MAGI1: variants seen among roughly 807,000 people sequenced by gnomAD.
The protein encoded by MAGI1 is membrane-associated guanylate kinase, WW and PDZ domain-containing protein 1.
A neutral mutation model predicts 139.9 loss-of-function variants in MAGI1; 58 were observed. The observed-to-expected ratio is 0.41, with a 90% CI of 0.34 to 0.52. The LOEUF (loss-of-function observed/expected upper bound fraction) is 0.52. MAGI1 is among the 20% of genes least tolerant of loss of function. The probability of loss-of-function intolerance (pLI) is 0.12; values close to 1 mark genes in which losing one functional copy is unlikely to be tolerated. For missense variants in MAGI1, 1,874 were observed against 1,901.6 expected (o/e 0.99, Z 0.27); for synonymous variants, 812 against 737.9 (o/e 1.10, Z -1.63).
Position 65,356,800 on chromosome 3 carries a change from G to C in MAGI1, c.3967C>G (p.Pro1323Ala), listed in dbSNP as rs757523874. 6.2e-7 allele frequency: 1 copy of C among 1,611,072 alleles called. No homozygotes were observed. The highest frequency in any genetic ancestry group is 1.3e-5 in the African/African-American group (1 of 74,910). The change falls in exon 23 of 23, where the codon CCA (proline) becomes GCA (alanine). Residue 1323 changes from proline (P) to alanine (A), a missense_variant. Around this residue, in one of 5 missense-constraint regions of MAGI1, gnomAD observed 653 missense variants for 644.5 expected, o/e 1.01. Coordinates refer to ENST00000402939, the MANE Select transcript of MAGI1 (RefSeq NM_001033057.2). Reference protein sequence around the residue: ...AAANGPKRRSPEKRREGTRSA... With the variant: ...AAANGPKRRSAEKRREGTRSA... ...CGGGTGCCCTCCCTCCGCTTCTCTG[G>C]GGACCGCCTCTTGGGGCCGTTGGCG... is the stretch of plus-strand genomic sequence containing the variant.
chr3:65,381,914 G>C lies in MAGI1; in HGVS notation c.2664C>G (p.His888Gln). ...QLMQQAAKQG[H>Q]VNLTVRRKVV... is the part of the protein sequence containing the mutation. ...CTTTACGCCGCACCGTGAGATTGAC[G>C]TGGCCTTGCTTGGCAGCTTGTTGCA... The change falls in exon 16 of 23, where the codon CAC (histidine) becomes CAG (glutamine). Residue 888 changes from histidine (H) to glutamine (Q), a missense_variant. His to Gln is a conservative substitution (Grantham distance 24). Coordinates refer to ENST00000402939, the MANE Select transcript of MAGI1 (RefSeq NM_001033057.2). 6.2e-7 allele frequency: 1 copy of C among 1,613,930 alleles called. No homozygotes were observed. Among genetic ancestry groups the C allele is most frequent in the Non-Finnish European group, 8.5e-7 (1 of 1,179,938 alleles).
rs529069800 is a variant in MAGI1, at chr3:65,460,521, T to G, written c.960-7181A>C. On this transcript the variant is annotated intron_variant, in intron 5 of 22. Transcript: ENST00000402939. Reference sequence around the variant, plus strand: ...GTGACTCCTCATTTAAGCCTGGGAATACTACTTGCATTACTTATTTCTTCT... The same window carrying G: ...GTGACTCCTCATTTAAGCCTGGGAAGACTACTTGCATTACTTATTTCTTCT... Among the ~76,000 whole-genome samples the G allele has an allele frequency of 2.6e-5, 4 of 152,166 alleles. No homozygotes were observed. In the South Asian group the frequency reaches 8.3e-4, roughly 32 times the overall value.
chr3:65,812,468 T>TCTCTCTCACACACACACACACACACACA (rs1176899313), intron 1 of MAGI1, among the ~76,000 whole-genome samples: 1,379 of 88,308 alleles, frequency 0.016, 15 homozygotes, highest in East Asian at 0.12. Context: ...TCTCTCTCTC[T>TCTCTCTCACACACACACACACACACACA]CACACACACA....
intron 1 of MAGI1, chr3:65,718,690 G>A (rs1214748189): frequency 6.6e-6 from 1 of 152,072 alleles, no homozygotes; most frequent in East Asian, 1.9e-4. Context: ...ACAAATATGT[G>A]TGCCTAGAAA....
intron 1 of MAGI1, among the ~76,000 whole-genome samples, chr3:65,761,244 T>G (rs2037000687): frequency 6.6e-6 from 1 of 152,100 alleles, no homozygotes; most frequent in Non-Finnish European, 1.5e-5. Flanking sequence ...ACATCCCAAC[T>G]TAACATCCAT....
chr3:65,864,646 G>A (rs999915953), intron 1 of MAGI1, among the ~76,000 whole-genome samples: 12 of 152,198 alleles, frequency 7.9e-5, no homozygotes, highest in Non-Finnish European at 2.9e-5. Flanking sequence ...ACTACAGAGA[G>A]GAGAAGGTGA....
In MAGI1 at chr3:65,995,915, T is replaced by C. The variant is rs1329169579; in HGVS notation, c.313+42081A>G. 2.6e-5 allele frequency among the ~76,000 whole-genome samples: 4 copies of C among 152,272 alleles called. No individual in the cohort carries two copies. In the East Asian group the frequency reaches 7.7e-4, roughly 29 times the overall value. ...CAGGAGGCTGAGGCAGGAGGATCTC[T>C]TGAGCCCAGGAGTTTGAGGTTGTAG... is the stretch of plus-strand genomic sequence containing the variant. On this transcript the variant is annotated intron_variant, in intron 1 of 22. Coordinates refer to ENST00000402939, the MANE Select transcript of MAGI1 (RefSeq NM_001033057.2).
intron 1 of MAGI1, among the ~76,000 whole-genome samples, chr3:65,822,892 A>G (rs2108261308): frequency 6.6e-6 from 1 of 152,336 alleles, no homozygotes; most frequent in Non-Finnish European, 1.5e-5. Flanking sequence ...CACTCCCACA[A>G]GGCCCAAACT....
At chr3:65,939,666 C>T (rs368473024) in intron 1 of MAGI1, among the ~76,000 whole-genome samples, 1 of 152,114 alleles carries the variant, frequency 6.6e-6, no homozygotes, top group Non-Finnish European at 1.5e-5. Flanking sequence ...ACAGGCCCTC[C>T]GATCTTCCCT....
intron 1 of MAGI1, among the ~76,000 whole-genome samples, chr3:65,796,461 C>T (rs576045086): frequency 6.6e-6 from 1 of 152,172 alleles, no homozygotes; most frequent in Non-Finnish European, 1.5e-5. Context: ...ACCATTACAG[C>T]TGCTGTTTCA....
At chr3:65,973,457 T>C (rs1329456094) in intron 1 of MAGI1, among the ~76,000 whole-genome samples, 2 of 152,198 alleles carry the variant, frequency 1.3e-5, no homozygotes, top group African/African-American at 4.8e-5. Context: ...TGATACAAAT[T>C]TGGCCAAACC....
chr3:65,384,880 C>A (rs1002978139), intron 14 of MAGI1, among the ~76,000 whole-genome samples: 1 of 151,762 alleles, frequency 6.6e-6, no homozygotes, highest in Non-Finnish European at 1.5e-5. Context: ...GTGGGGGATG[C>A]GGGTGTCCTG....
Position 65,429,526 on chromosome 3 carries a change from G to A in MAGI1, c.2161C>T (p.Arg721Ter), listed in dbSNP as rs1947325123. Residue 721 changes from arginine to a stop codon, truncating the protein, a stop_gained, in exon 12 of 23, where the codon CGA becomes TGA. Transcript: ENST00000402939. LOFTEE classifies it high-confidence loss of function. ...KGSEVTLLVQ[R>*]GGLPVPKKSP... ...ACAAAACAACCCTACTTACCTCCTC[G>A]TTGCACCAACAATGTGACCTCACTT... 1 of 1,607,362 alleles carries A rather than the reference G, an allele frequency of 6.2e-7. No homozygotes were observed. The highest frequency in any genetic ancestry group is 8.5e-7 in the Non-Finnish European group (1 of 1,175,508).
chr3:65,784,232 G>C (rs2039193130), intron 1 of MAGI1, among the ~76,000 whole-genome samples: 1 of 152,154 alleles, frequency 6.6e-6, no homozygotes, highest in Non-Finnish European at 1.5e-5. Context: ...AAACAGTCTG[G>C]GAGTTCTTCA....
intron 2 of MAGI1, among the ~76,000 whole-genome samples, chr3:65,596,614 C>T (rs1291743408): frequency 6.6e-6 from 1 of 152,228 alleles, no homozygotes; most frequent in Non-Finnish European, 1.5e-5. Flanking sequence ...TATACCAACA[C>T]TGTGGACAAG....
intron 2 of MAGI1, among the ~76,000 whole-genome samples, chr3:65,505,473 G>A (rs2077245093): frequency 6.6e-6 from 1 of 151,348 alleles, no homozygotes; most frequent in South Asian, 2.1e-4. Context: ...GTGAAACCTT[G>A]TCTCTAAAAA....
intron 1 of MAGI1, among the ~76,000 whole-genome samples, chr3:65,749,317 G>T (rs1350172317): frequency 5.9e-5 from 9 of 152,146 alleles, no homozygotes; most frequent in African/African-American, 1.9e-4. Flanking sequence ...TAAGGTGAAG[G>T]TGATGTGATT....
rs1156292920 is a variant in MAGI1 at position 65,734,559 on chromosome 3, AAGAGAGAGAGGGAGAGAG to A, written c.314-112489_314-112472del. Reference sequence around the variant, plus strand: ...GGGGAGAGAGAGAAAGAGAGAAAGAAAGAGAGAGAGGGAGAGAGAGAGAGAGAGGGAGAGAGAGAAACT... The same window carrying A: ...GGGGAGAGAGAGAAAGAGAGAAAGAAAGAGAGAGAGGGAGAGAGAGAAACT... On this transcript the variant is annotated intron_variant, in intron 1 of 22. Coordinates refer to ENST00000402939, the MANE Select transcript of MAGI1 (RefSeq NM_001033057.2). 1.7e-4 allele frequency among the ~76,000 whole-genome samples: 24 copies of A among 138,366 alleles called. 1 individual carries two copies. Among genetic ancestry groups the A allele is most frequent in the South Asian group, 1.3e-3 (6 of 4,578 alleles). 90.8% of individuals were successfully genotyped at this position (138,366 alleles called of 152,430 possible).
chr3:65,621,657 C>T (rs2083674115), intron 2 of MAGI1, among the ~76,000 whole-genome samples: 1 of 152,132 alleles, frequency 6.6e-6, no homozygotes. Context: ...TAGAAAATGC[C>T]TTCTGTGCCT....
Sources: gnomAD v4.1 joint callset for allele counts (sites outside exome capture counted in the v4.1 genomes callset) on GRCh38, gnomAD v4.1.1 for gene constraint, gnomAD v4.1.1 regional missense constraint, MANE v1.5 for transcripts, NCBI Gene and HGNC (gene_info 2026-07-23, HGNC 2026-07-21) for gene names.